Variants in ZHX2 observed in about 807,000 individuals in gnomAD.
ZHX2 encodes the protein zinc fingers and homeoboxes 2.
In ZHX2, 6 loss-of-function variants were observed where a neutral mutation model predicts 21.9. The ratio of observed to expected loss-of-function variants is 0.27; its 90% CI spans 0.15 to 0.54. The LOEUF is 0.54. Among genes scored for constraint, ZHX2 ranks in the 20% least tolerant of loss-of-function variants. ZHX2 has a pLI of 0.95. For synonymous variants in ZHX2, 434 were observed against 437.1 expected, an observed-to-expected ratio of 0.99 and a Z score of 0.09; for missense variants, 908 against 1,090.7, an observed-to-expected ratio of 0.83 and a Z score of 2.36.
rs75089781 is a variant in ZHX2 at position 122,922,482 on chromosome 8, T to C, written c.-219-28810T>C. Reference sequence around the variant, plus strand: ...AGCATTTTCATAGCCATTGCTCCTGTGAGACTCTGAGAAACTGTTAGGTCT... The same window carrying C: ...AGCATTTTCATAGCCATTGCTCCTGCGAGACTCTGAGAAACTGTTAGGTCT... On this transcript the variant is annotated intron_variant, in intron 2 of 3. Transcript: ENST00000314393. 1.2e-3 allele frequency among the ~76,000 whole-genome samples: 183 copies of C among 152,318 alleles called. 1 individual carries two copies. Among genetic ancestry groups the C allele is most frequent in the South Asian group, 2.5e-3 (12 of 4,826 alleles).
chr8:122,810,826 T>C (rs1193808781), intron 1 of ZHX2, among the ~76,000 whole-genome samples: 1 of 151,782 alleles, frequency 6.6e-6, no homozygotes, highest in Non-Finnish European at 1.5e-5. Flanking sequence ...AGTTTTAGGG[T>C]ACGTGTGCAC....
At chr8:122,818,425 A>G (rs772753561) in intron 1 of ZHX2, among the ~76,000 whole-genome samples, 4 of 152,082 alleles carry the variant, frequency 2.6e-5, no homozygotes, top group African/African-American at 4.8e-5. Flanking sequence ...CGTAGTCTCA[A>G]TCAGACCCGG....
In ZHX2 at chr8:122,974,450, T is replaced by C. The variant is rs1468116363; in HGVS notation, c.*1213T>C. 1.3e-5 allele frequency: 2 copies of C among 151,884 alleles called. No individual in the cohort carries two copies. The highest frequency in any genetic ancestry group is 2.4e-5 in the African/African-American group (1 of 41,242). The allele number at this position is 151,884 out of a possible 1,614,324, so 9.4% of individuals were successfully genotyped here. ...GCTAGGAAGTTTGAATAAAACCAAT[T>C]TTTCTAACTTGTTGCTCATTTGTTG... On this transcript the variant is annotated 3_prime_UTR_variant, in exon 4 of 4. Transcript: ENST00000314393.
intron 2 of ZHX2, among the ~76,000 whole-genome samples, chr8:122,897,620 G>A (rs184779418): frequency 5.6e-4 from 85 of 152,144 alleles, no homozygotes; most frequent in African/African-American, 2.0e-3. Flanking sequence ...AAAGGAAACA[G>A]GAACACTAAA....
Position 122,952,611 on chromosome 8 carries a change from G to A in ZHX2, c.1101G>A (p.Pro367=), listed in dbSNP as rs143007490. 2.2e-4 allele frequency: 351 copies of A among 1,614,084 alleles called. No individual in the cohort carries two copies. Among genetic ancestry groups the A allele is most frequent in the African/African-American group, 9.6e-4 (72 of 75,016 alleles). The change falls in exon 3 of 4, where the codon CCG becomes CCA. Residue 367 remains proline (P), a synonymous_variant. Transcript: ENST00000314393. This position sits in a 1 kb window ranked among gnomAD's most constrained non-coding sequence, Gnocchi z 6.9. The part of the protein sequence containing the change: ...VTQPILQTAL[P]CQILGQTSLV... ...AGCCCATCCTCCAGACGGCTCTACC[G>A]TGCCAGATCCTCGGCCAGACTAGCC...
At chr8:122,858,358 G>T (rs555370835) in intron 1 of ZHX2, among the ~76,000 whole-genome samples, 3 of 152,248 alleles carry the variant, frequency 2.0e-5, no homozygotes, top group Non-Finnish European at 4.4e-5. Flanking sequence ...GACCCTCGGG[G>T]AGGGCATTTC....
intron 2 of ZHX2, among the ~76,000 whole-genome samples, chr8:122,896,560 T>C (rs73711234): frequency 0.073 from 11,170 of 152,266 alleles, 1,212 homozygotes; most frequent in African/African-American, 0.24. Flanking sequence ...CTATTACATG[T>C]TCAATATGAT....
intron 2 of ZHX2, among the ~76,000 whole-genome samples, chr8:122,920,570 C>T (rs777726438): frequency 7.9e-4 from 120 of 152,174 alleles, no homozygotes; most frequent in Non-Finnish European, 1.6e-3. Flanking sequence ...GTATGATTTG[C>T]CTTCTCTGGA....
intron 1 of ZHX2, among the ~76,000 whole-genome samples, chr8:122,799,528 T>C (rs1817677192): frequency 1.3e-5 from 2 of 152,382 alleles, no homozygotes; most frequent in South Asian, 4.1e-4. Context: ...AAATATCTTT[T>C]TGGTGAACTT....
chr8:122,831,496 C>T (rs1818374162), intron 1 of ZHX2, among the ~76,000 whole-genome samples: 1 of 152,180 alleles, frequency 6.6e-6, no homozygotes, highest in African/African-American at 2.4e-5. Context: ...CTTTGACATA[C>T]CATGGTCCTT....
At chr8:122,963,500 TA>T (rs1466114734) in intron 3 of ZHX2, among the ~76,000 whole-genome samples, 1 of 152,246 alleles carries the variant, frequency 6.6e-6, no homozygotes, top group African/African-American at 2.4e-5. Flanking sequence ...TTTATACCAG[TA>T]CTATGCTGTT....
intron 1 of ZHX2, among the ~76,000 whole-genome samples, chr8:122,820,379 T>C (rs547360167): frequency 2.6e-4 from 40 of 152,204 alleles, no homozygotes; most frequent in Non-Finnish European, 5.1e-4. Flanking sequence ...ATATAGAGCC[T>C]GGGGAATGTG....
chr8:122,900,600 C>T (rs1288828350), intron 2 of ZHX2, among the ~76,000 whole-genome samples: 2 of 152,126 alleles, frequency 1.3e-5, no homozygotes, highest in Non-Finnish European at 2.9e-5. Flanking sequence ...CACGTGGGTT[C>T]TGATATCTGA....
At position 122,954,497 on chromosome 8, in the gene ZHX2, C is replaced by CG. The variant is rs368277317; in HGVS notation, c.*4+473dup. ...TAATATTTTAATATTTTGGTAGAGA[C>CG]GGGGTCTCACTTTGTTGCCCAGGCT... On this transcript the variant is annotated intron_variant, in intron 3 of 3. Transcript: ENST00000314393. 4.3e-3 allele frequency among the ~76,000 whole-genome samples: 655 copies of CG among 152,252 alleles called. 2 individuals are homozygous for CG. Among genetic ancestry groups the CG allele is most frequent in the African/African-American group, 0.015 (614 of 41,550 alleles).
At chr8:122,825,554 C>G (rs551894495) in intron 1 of ZHX2, among the ~76,000 whole-genome samples, 2 of 152,180 alleles carry the variant, frequency 1.3e-5, no homozygotes, top group Admixed American at 1.3e-4. Context: ...CAAGAGAGAT[C>G]CTGGCCACCA....
chr8:122,782,123 GA>G lies in ZHX2; in HGVS notation c.-283+179del, dbSNP rs1352328572. On this transcript the variant is annotated intron_variant, in intron 1 of 3. Coordinates refer to ENST00000314393, the MANE Select transcript of ZHX2 (RefSeq NM_014943.5). The surrounding 1 kb of genome is among the most constrained non-coding windows in gnomAD (Gnocchi z 5.3). ...GGTTTGTGATTGGAAGGGGGGTACG[GA>G]AGGGGGGGGGTGTGCAGGCTCTTTT... Among the ~76,000 whole-genome samples, 1 of 97,958 alleles carries G rather than the reference GA, an allele frequency of 1.0e-5. No individual in the cohort carries two copies. The highest frequency in any genetic ancestry group is 2.5e-5 in the Non-Finnish European group (1 of 40,490). The allele number at this position is 97,958 out of a possible 152,430, so 64.3% of individuals were successfully genotyped here. A position where few individuals can be genotyped will look rare whatever the true frequency, so the allele number is the denominator to read the frequency against.
chr8:122,894,966 C>T (rs2129893509), intron 2 of ZHX2, among the ~76,000 whole-genome samples: 1 of 152,230 alleles, frequency 6.6e-6, no homozygotes, highest in South Asian at 2.1e-4. Context: ...AATCACAGTA[C>T]ATTGAATCAG....
intron 1 of ZHX2, among the ~76,000 whole-genome samples, chr8:122,793,076 G>T (rs1817550043): frequency 6.6e-6 from 1 of 152,204 alleles, no homozygotes; most frequent in Non-Finnish European, 1.5e-5. Context: ...GACTTGCAGA[G>T]CCTGAATCGC....
At chr8:122,944,862 A>G (rs1812931378) in intron 2 of ZHX2, among the ~76,000 whole-genome samples, 1 of 152,198 alleles carries the variant, frequency 6.6e-6, no homozygotes, top group Non-Finnish European at 1.5e-5. Flanking sequence ...GTATTTGGAG[A>G]TAGGTAATTA....
Sources: allele counts gnomAD v4.1 joint callset (sites outside exome capture counted in the v4.1 genomes callset), GRCh38; gene constraint gnomAD v4.1.1; non-coding constraint Gnocchi (gnomAD v3.1); transcripts MANE v1.5; gene names NCBI Gene and HGNC (gene_info 2026-07-23, HGNC 2026-07-21).